Variants in CAMK1D observed in about 807,000 individuals in gnomAD.
The protein encoded by CAMK1D is calcium/calmodulin-dependent protein kinase type 1D.
Under a neutral mutation model 47.7 loss-of-function variants are expected in CAMK1D, and 9 were observed. That is an observed-to-expected ratio of 0.19 (90% confidence interval 0.11 to 0.33). The LOEUF is 0.33. Ranked by LOEUF, CAMK1D falls within the 10% of genes least tolerant of loss-of-function variation. The probability of loss-of-function intolerance (pLI) is 1.00; values close to 1 mark genes in which losing one functional copy is unlikely to be tolerated. For missense variants in CAMK1D, 291 were observed against 488.7 expected, an observed-to-expected ratio of 0.60 and a Z score of 3.81; for synonymous variants, 184 against 184.9, an observed-to-expected ratio of 0.99 and a Z score of 0.04.
intron 1 of CAMK1D, among the ~76,000 whole-genome samples, chr10:12,401,958 C>T (rs904104429): frequency 6.6e-6 from 1 of 151,508 alleles, no homozygotes; most frequent in Non-Finnish European, 1.5e-5. Flanking sequence ...TACAGTGGCG[C>T]GATCTCCGCT....
intron 2 of CAMK1D, among the ~76,000 whole-genome samples, chr10:12,584,049 C>G (rs1837742876): frequency 6.6e-6 from 1 of 152,122 alleles, no homozygotes; most frequent in African/African-American, 2.4e-5. Flanking sequence ...CTGGGAGCAC[C>G]TATATTCCTT....
At chr10:12,539,456 A>C (rs1836092583) in intron 1 of CAMK1D, among the ~76,000 whole-genome samples, 1 of 152,194 alleles carries the variant, frequency 6.6e-6, no homozygotes, top group Admixed American at 6.5e-5. Context: ...AGTTGGGATT[A>C]ATCATGAACA....
rs1397119948 is a variant in CAMK1D at position 12,393,044 on chromosome 10, T to C, written c.92+43134T>C. 2.3e-4 allele frequency among the ~76,000 whole-genome samples: 35 copies of C among 149,982 alleles called. No homozygotes were observed. In the South Asian group the frequency reaches 4.5e-3, roughly 19 times the overall value. On this transcript the variant is annotated intron_variant, in intron 1 of 10. Transcript: ENST00000619168. ...AAACATAACTTTTTTTTTTTTTTTC[T>C]TTTTTGAGACACAGTTTTGCTCTGT...
At chr10:12,419,361 G>T (rs1382194076) in intron 1 of CAMK1D, among the ~76,000 whole-genome samples, 1 of 152,086 alleles carries the variant, frequency 6.6e-6, no homozygotes, top group Non-Finnish European at 1.5e-5. Context: ...GGGTTATCCC[G>T]ACACCTGTGA....
intron 1 of CAMK1D, among the ~76,000 whole-genome samples, chr10:12,509,739 A>C (rs541624046): frequency 6.6e-6 from 1 of 152,334 alleles, no homozygotes; most frequent in Admixed American, 6.5e-5. Flanking sequence ...TGACAGAAGG[A>C]GACTCTGTTT....
chr10:12,616,160 GTA>G (rs1838808084), intron 2 of CAMK1D, among the ~76,000 whole-genome samples: 1 of 152,092 alleles, frequency 6.6e-6, no homozygotes, highest in African/African-American at 2.4e-5. Context: ...GTGTGTGAAT[GTA>G]TATGTGTGTA....
At chr10:12,687,551 A>G (rs1832712272) in intron 3 of CAMK1D, among the ~76,000 whole-genome samples, 1 of 152,194 alleles carries the variant, frequency 6.6e-6, no homozygotes, top group Admixed American at 6.5e-5. Flanking sequence ...ACTAAATTAT[A>G]TTCTCACATG....
intron 1 of CAMK1D, among the ~76,000 whole-genome samples, chr10:12,499,423 TC>T (rs1834635265): frequency 6.6e-6 from 1 of 151,822 alleles, no homozygotes; most frequent in Non-Finnish European, 1.5e-5. Flanking sequence ...TCCAGTTCCT[TC>T]TGAAAAAAAA....
intron 2 of CAMK1D, among the ~76,000 whole-genome samples, chr10:12,554,219 G>A (rs1246014907): frequency 2.8e-5 from 2 of 70,728 alleles, no homozygotes; most frequent in Middle Eastern, 5.3e-3. Flanking sequence ...GTACAATGGC[G>A]CAATCTCAGC....
At chr10:12,618,135 C>T (rs1237882399) in intron 2 of CAMK1D, among the ~76,000 whole-genome samples, 1 of 152,158 alleles carries the variant, frequency 6.6e-6, no homozygotes, top group Non-Finnish European at 1.5e-5. Context: ...CGATTCAGGG[C>T]TCTGTGTCTC....
At chr10:12,526,973 C>A (rs187168122) in intron 1 of CAMK1D, among the ~76,000 whole-genome samples, 243 of 151,396 alleles carry the variant, frequency 1.6e-3, no homozygotes, top group African/African-American at 5.7e-3. Context: ...ATCGACTGAA[C>A]CAGGAGTTTG....
chr10:12,640,584 A>G (rs1839637567), intron 2 of CAMK1D, among the ~76,000 whole-genome samples: 1 of 152,172 alleles, frequency 6.6e-6, no homozygotes, highest in East Asian at 1.9e-4. Flanking sequence ...CTCTGTGGAA[A>G]CCTTGAAGGA....
chr10:12,795,904 G>A (rs1313037137), intron 6 of CAMK1D, among the ~76,000 whole-genome samples: 2 of 152,190 alleles, frequency 1.3e-5, no homozygotes, highest in Non-Finnish European at 2.9e-5. Flanking sequence ...GCCAGGAAGG[G>A]CTGAGGACGG....
At chr10:12,462,468 ATTTT>A (rs11343025) in intron 1 of CAMK1D, among the ~76,000 whole-genome samples, 1 of 146,990 alleles carries the variant, frequency 6.8e-6, no homozygotes, top group Non-Finnish European at 1.5e-5. Context: ...CTGGCCAAGA[ATTTT>A]TTTTTTTTTT....
intron 1 of CAMK1D, among the ~76,000 whole-genome samples, chr10:12,413,391 A>T (rs1839732048): frequency 6.6e-6 from 1 of 151,738 alleles, no homozygotes; most frequent in African/African-American, 2.4e-5. Context: ...AGTACAATTC[A>T]TCATAACATT....
At chr10:12,403,047 T>A (rs1056362724) in intron 1 of CAMK1D, among the ~76,000 whole-genome samples, 1 of 152,132 alleles carries the variant, frequency 6.6e-6, no homozygotes, top group African/African-American at 2.4e-5. Flanking sequence ...TTTTGCTTTC[T>A]TGTTTTGCCT....
intron 1 of CAMK1D, among the ~76,000 whole-genome samples, chr10:12,407,922 A>G (rs549277812): frequency 5.5e-5 from 8 of 144,454 alleles, no homozygotes; most frequent in African/African-American, 1.8e-4. Flanking sequence ...CAGTGGTGCA[A>G]TCTTGGCTCA....
intron 1 of CAMK1D, among the ~76,000 whole-genome samples, chr10:12,529,741 C>T (rs543741918): frequency 6.6e-6 from 1 of 152,164 alleles, no homozygotes; most frequent in African/African-American, 2.4e-5. Flanking sequence ...TTTAAGCAAA[C>T]GTAATTTAAA....
chr10:12,802,972 C>T (rs1277972721), intron 6 of CAMK1D, among the ~76,000 whole-genome samples: 1 of 152,226 alleles, frequency 6.6e-6, no homozygotes, highest in African/African-American at 2.4e-5. Context: ...AGTGGCACAT[C>T]TGGATGGAGG....
Sources: gnomAD v4.1 joint callset for allele counts (sites outside exome capture counted in the v4.1 genomes callset) on GRCh38, gnomAD v4.1.1 for gene constraint, MANE v1.5 for transcripts, NCBI Gene and HGNC (gene_info 2026-07-23, HGNC 2026-07-21) for gene names.